Variants in ZRANB3 observed in about 807,000 individuals in gnomAD.
ZRANB3 encodes DNA annealing helicase and endonuclease ZRANB3.
ZRANB3 carries 125 observed loss-of-function variants against 133.8 expected under a neutral mutation model. The ratio of observed to expected loss-of-function variants is 0.93; its 90% CI spans 0.81 to 1.08. The LOEUF (loss-of-function observed/expected upper bound fraction) is 1.08, where lower values mean the gene tolerates loss of function less well. Among genes scored for constraint, ZRANB3 ranks in the 50% least tolerant of loss-of-function variants. ZRANB3 has a pLI of 0.00. For missense variants in ZRANB3, 1,229 were observed against 1,275.5 expected, an observed-to-expected ratio of 0.96 and a Z score of 0.56; for synonymous variants, 387 against 432.7, an observed-to-expected ratio of 0.89 and a Z score of 1.31.
intron 2 of ZRANB3, among the ~76,000 whole-genome samples, chr2:135,394,981 C>G (rs1220467665): frequency 2.8e-5 from 4 of 144,734 alleles, no homozygotes; most frequent in Admixed American, 6.8e-5. Context: ...AAAAAGTACA[C>G]TCTTCACAGA....
At position 135,489,349 on chromosome 2, in the gene ZRANB3, C is replaced by T. The variant is rs556243209; in HGVS notation, c.161+14980G>A. Among the ~76,000 whole-genome samples the T allele has an allele frequency of 2.1e-3, 305 of 148,516 alleles. 2 individuals carry two copies. The highest frequency in any genetic ancestry group is 3.3e-3 in the Non-Finnish European group (225 of 67,204). On this transcript the variant is annotated intron_variant, in intron 2 of 20. Transcript: ENST00000264159. ...GGGAGGGATAGCATTAGGAGATATACCTAATGCTAAATGATGAGTTAATGG... is the reference window on the plus strand; with the variant it reads ...GGGAGGGATAGCATTAGGAGATATATCTAATGCTAAATGATGAGTTAATGG...
At chr2:135,321,815 G>A (rs1683540185) in intron 6 of ZRANB3, among the ~76,000 whole-genome samples, 1 of 151,952 alleles carries the variant, frequency 6.6e-6, no homozygotes, top group Admixed American at 6.6e-5. Flanking sequence ...AATTCCTTTT[G>A]TGTACTTATA....
intron 2 of ZRANB3, among the ~76,000 whole-genome samples, chr2:135,443,626 G>C (rs1330962537): frequency 6.6e-6 from 1 of 152,052 alleles, no homozygotes; most frequent in Non-Finnish European, 1.5e-5. Context: ...CATCTCTGTG[G>C]TACTCTCCCC....
At chr2:135,478,982 T>C (rs1691634506) in intron 2 of ZRANB3, among the ~76,000 whole-genome samples, 1 of 151,708 alleles carries the variant, frequency 6.6e-6, no homozygotes, top group African/African-American at 2.4e-5. Flanking sequence ...ACAGGAAGGA[T>C]TACTAGCTCT....
chr2:135,410,485 T>C lies in ZRANB3; in HGVS notation c.162-19665A>G, dbSNP rs58818370. Reference sequence around the variant, plus strand: ...CATATCACCATATATAAAAATTAACTCAAGATGGTTTAAATACTTAAATGT... The same window carrying C: ...CATATCACCATATATAAAAATTAACCCAAGATGGTTTAAATACTTAAATGT... On this transcript the variant is annotated intron_variant, in intron 2 of 20. Transcript: ENST00000264159. Among the ~76,000 whole-genome samples the C allele has an allele frequency of 1.8e-3, 276 of 152,174 alleles. 7 individuals are homozygous for C. In the South Asian group the frequency reaches 0.033, roughly 18 times the overall value.
rs1350558229 is a variant in ZRANB3 at position 135,491,186 on chromosome 2, A to G, written c.161+13143T>C. 2.0e-5 allele frequency among the ~76,000 whole-genome samples: 3 copies of G among 152,198 alleles called. No homozygotes were observed. The East Asian group carries it at 5.8e-4, about 29-fold the overall frequency. ...CCGAGGGAAGCAATGAAAATACTTC[A>G]CTATTTAAATAATACTTAACTATTT... On this transcript the variant is annotated intron_variant, in intron 2 of 20. Transcript: ENST00000264159.
At chr2:135,294,664 C>T (rs1329481125) in intron 8 of ZRANB3, among the ~76,000 whole-genome samples, 4 of 151,974 alleles carry the variant, frequency 2.6e-5, no homozygotes, top group African/African-American at 9.7e-5. Context: ...GCTCTTGCTT[C>T]TCTAGTTCTT....
chr2:135,253,824 A>G (rs914568068), intron 12 of ZRANB3, among the ~76,000 whole-genome samples: 1 of 152,176 alleles, frequency 6.6e-6, no homozygotes, highest in Non-Finnish European at 1.5e-5. Context: ...GTGGTGTATG[A>G]CTGTAATCCA....
intron 6 of ZRANB3, among the ~76,000 whole-genome samples, chr2:135,343,603 T>C (rs1408064522): frequency 1.3e-5 from 2 of 148,842 alleles, no homozygotes; most frequent in African/African-American, 5.1e-5. Context: ...AAAAAAAAAA[T>C]GCATTGGGAA....
chr2:135,511,718 T>G (rs1693463538), intron 1 of ZRANB3: 1 of 766,180 alleles, frequency 1.3e-6, no homozygotes, highest in Admixed American at 1.7e-5. Context: ...TGGAGAATCT[T>G]GGTGTGGCAG....
chr2:135,317,450 T>C (rs142412612), intron 6 of ZRANB3, among the ~76,000 whole-genome samples: 1 of 152,316 alleles, frequency 6.6e-6, no homozygotes, highest in African/African-American at 2.4e-5. Context: ...TTAAAATGGA[T>C]TCTTAAGCAC....
intron 7 of ZRANB3, 23 bp from the exon 8 acceptor site, chr2:135,313,628 G>A: frequency 6.8e-7 from 1 of 1,464,296 alleles, no homozygotes; most frequent in Non-Finnish European, 9.5e-7. Flanking sequence ...AAATAACACT[G>A]TTTATGAATA....
At chr2:135,401,573 A>G (rs1274426605) in intron 2 of ZRANB3, among the ~76,000 whole-genome samples, 1 of 152,194 alleles carries the variant, frequency 6.6e-6, no homozygotes, top group Non-Finnish European at 1.5e-5. Context: ...GTGGCCAATG[A>G]GGCCTTAGTC....
chr2:135,331,798 A>G (rs1241220831), intron 6 of ZRANB3, among the ~76,000 whole-genome samples: 1 of 152,178 alleles, frequency 6.6e-6, no homozygotes, highest in Non-Finnish European at 1.5e-5. Context: ...CTTTACCATT[A>G]TAGTAATGGT....
At chr2:135,366,983 T>C (rs1178441388) in intron 3 of ZRANB3, among the ~76,000 whole-genome samples, 1 of 152,076 alleles carries the variant, frequency 6.6e-6, no homozygotes, top group Non-Finnish European at 1.5e-5. Flanking sequence ...ATCATGCCAT[T>C]GCACTCCAGC....
At chr2:135,462,333 G>A (rs1690798534) in intron 2 of ZRANB3, among the ~76,000 whole-genome samples, 1 of 152,116 alleles carries the variant, frequency 6.6e-6, no homozygotes, top group African/African-American at 2.4e-5. Flanking sequence ...CTTCTTCCCA[G>A]GGGCTGCATC....
intron 12 of ZRANB3, among the ~76,000 whole-genome samples, chr2:135,248,770 G>A (rs1337593276): frequency 6.6e-6 from 1 of 152,106 alleles, no homozygotes; most frequent in Non-Finnish European, 1.5e-5. Flanking sequence ...GCTGAGCATG[G>A]TGGCGTGCAC....
intron 2 of ZRANB3, among the ~76,000 whole-genome samples, chr2:135,476,147 A>G (rs1334955538): frequency 2.0e-5 from 3 of 152,240 alleles, no homozygotes; most frequent in Admixed American, 2.0e-4. Context: ...TAAAGAGTCA[A>G]CTAAACTCAA....
chr2:135,394,186 G>T (rs754300996), intron 2 of ZRANB3, among the ~76,000 whole-genome samples: 5 of 152,100 alleles, frequency 3.3e-5, no homozygotes, highest in Non-Finnish European at 7.3e-5. Flanking sequence ...ACTCAGCCGA[G>T]ATACCCCCGA....
Sources: allele counts gnomAD v4.1 joint callset (sites outside exome capture counted in the v4.1 genomes callset), GRCh38; gene constraint gnomAD v4.1.1; transcripts MANE v1.5; gene names NCBI Gene and HGNC (gene_info 2026-07-23, HGNC 2026-07-21).